Variants in SCTR observed in about 807,000 individuals in gnomAD.
SCTR encodes secretin receptor.
A neutral mutation model predicts 60.8 loss-of-function variants in SCTR; 56 were observed. The observed-to-expected ratio is 0.92, with a 90% CI of 0.74 to 1.15. The LOEUF (loss-of-function observed/expected upper bound fraction) is 1.15, where lower values mean the gene tolerates loss of function less well. Among genes scored for constraint, SCTR ranks in the 50% most tolerant of loss-of-function variants. The pLI, the probability that SCTR is intolerant of heterozygous loss-of-function variation, is 0.00. For synonymous variants in SCTR, 202 were observed against 217.0 expected, an observed-to-expected ratio of 0.93 and a Z score of 0.61; for missense variants, 562 against 550.4, an observed-to-expected ratio of 1.02 and a Z score of -0.21.
chr2:119,458,817 C>T (rs1683484164), intron 7 of SCTR, among the ~76,000 whole-genome samples: 1 of 152,172 alleles, frequency 6.6e-6, no homozygotes, highest in Non-Finnish European at 1.5e-5. Flanking sequence ...TCGGGCCACC[C>T]CAGACCCACT....
chr2:119,467,264 A>G (rs1304055780), intron 4 of SCTR, among the ~76,000 whole-genome samples: 1 of 152,006 alleles, frequency 6.6e-6, no homozygotes, highest in Admixed American at 6.6e-5. Flanking sequence ...CTGTAATCCC[A>G]GCTACTTGGA....
At chr2:119,524,086 CGAGGCCG>C in intron 1 of SCTR, 62 bp downstream of exon 1, 1 of 1,285,552 alleles carries the variant, frequency 7.8e-7, no homozygotes, top group Non-Finnish European at 1.1e-6. Flanking sequence ...GCATCCTGCC[CGAGGCCG>C]GAGAAAGGGC....
At chr2:119,493,568 A>C (rs1362434318) in intron 2 of SCTR, among the ~76,000 whole-genome samples, 1 of 152,164 alleles carries the variant, frequency 6.6e-6, no homozygotes, top group Non-Finnish European at 1.5e-5. Context: ...TTTACAAGGC[A>C]GCTGTATTTA....
rs758379839 is a variant in SCTR at position 119,494,492 on chromosome 2, G to T, written c.129C>A (p.Asp43Glu). ...CTCTGGAGAGTTCCTGCAGGCACTGGTCTTGCTCTTCCCACAGCACTTGTA... is the reference window on the plus strand; with the variant it reads ...CTCTGGAGAGTTCCTGCAGGCACTGTTCTTGCTCTTCCCACAGCACTTGTA... Reference protein sequence around the residue: ...DVLQVLWEEQDQCLQELSREQ... With the variant: ...DVLQVLWEEQEQCLQELSREQ... The change falls in exon 2 of 13, where the codon GAC becomes GAA. Residue 43 changes from aspartate to glutamate, a missense_variant. Transcript: ENST00000019103. 1.7e-5 allele frequency: 28 copies of T among 1,613,926 alleles called. No individual in the cohort carries two copies. The highest frequency in any genetic ancestry group is 1.3e-4 in the Admixed American group (8 of 60,004).
intron 1 of SCTR, among the ~76,000 whole-genome samples, chr2:119,517,611 C>T (rs182953873): frequency 1.6e-4 from 24 of 152,248 alleles, no homozygotes; most frequent in Admixed American, 1.2e-3. Context: ...AAGGTGGACG[C>T]GTCTTACAGG....
intron 1 of SCTR, among the ~76,000 whole-genome samples, chr2:119,496,941 G>A (rs1339842542): frequency 6.6e-6 from 1 of 152,152 alleles, no homozygotes; most frequent in Admixed American, 6.5e-5. Flanking sequence ...CACAGAGACT[G>A]CAAACTCTGG....
chr2:119,521,904 A>C (rs1173640668), intron 1 of SCTR, among the ~76,000 whole-genome samples: 1 of 152,158 alleles, frequency 6.6e-6, no homozygotes, highest in Non-Finnish European at 1.5e-5. Context: ...GAAGTGTGAG[A>C]TCTAAGGTCT....
intron 7 of SCTR, among the ~76,000 whole-genome samples, chr2:119,460,444 ATGG>A (rs1683558712): frequency 6.9e-6 from 1 of 144,378 alleles, no homozygotes; most frequent in Non-Finnish European, 1.5e-5. Flanking sequence ...GGGTGGATGG[ATGG>A]ATGGATGGAT....
intron 2 of SCTR, chr2:119,480,939 C>T (rs1025890594): frequency 6.6e-6 from 1 of 152,584 alleles, no homozygotes; most frequent in African/African-American, 2.4e-5. Flanking sequence ...AGGCCTCCCC[C>T]ACCTTGCCAG....
chr2:119,478,017 C>G (rs1677413020), intron 3 of SCTR, among the ~76,000 whole-genome samples: 1 of 152,246 alleles, frequency 6.6e-6, no homozygotes, highest in Non-Finnish European at 1.5e-5. Flanking sequence ...CCCACAGTCT[C>G]TGAACCGTGG....
Position 119,496,437 on chromosome 2 carries a change from A to G in SCTR, c.73-1889T>C, listed in dbSNP as rs200154956. Reference sequence around the variant, plus strand: ...GACAGATTCTGTCACAGCTTTATATATAATATAGAAAAAAAAGACAGACTT... The same window carrying G: ...GACAGATTCTGTCACAGCTTTATATGTAATATAGAAAAAAAAGACAGACTT... On this transcript the variant is annotated intron_variant, in intron 1 of 12. Transcript: ENST00000019103. Among the ~76,000 whole-genome samples, 257 of 152,334 alleles carry G rather than the reference A, an allele frequency of 1.7e-3. 1 individual carries two copies. The highest frequency in any genetic ancestry group is 2.9e-3 in the Non-Finnish European group (197 of 68,036).
At chr2:119,511,013 C>T (rs1220943589) in intron 1 of SCTR, among the ~76,000 whole-genome samples, 4 of 151,446 alleles carry the variant, frequency 2.6e-5, no homozygotes, top group South Asian at 4.2e-4. Flanking sequence ...CTGGCTACCG[C>T]GGTGAAACCC....
chr2:119,464,988 A>T (rs1683771701), intron 5 of SCTR, among the ~76,000 whole-genome samples: 1 of 152,178 alleles, frequency 6.6e-6, no homozygotes, highest in South Asian at 2.1e-4. Flanking sequence ...AGGGGACAGA[A>T]GTCAGTTACT....
At chr2:119,441,930 C>G (rs1166781912) in intron 11 of SCTR, among the ~76,000 whole-genome samples, 1 of 152,190 alleles carries the variant, frequency 6.6e-6, no homozygotes, top group Non-Finnish European at 1.5e-5. Context: ...ACCTGAAGTC[C>G]GCCCACTCTG....
At chr2:119,445,639 T>C (rs1021969833) in intron 11 of SCTR, among the ~76,000 whole-genome samples, 5 of 152,126 alleles carry the variant, frequency 3.3e-5, no homozygotes, top group Admixed American at 1.3e-4. Flanking sequence ...CGCCCTACCG[T>C]GGAAATGTCG....
intron 12 of SCTR, among the ~76,000 whole-genome samples, chr2:119,440,769 T>G (rs1212344870): frequency 2.6e-5 from 4 of 152,158 alleles, no homozygotes; most frequent in Non-Finnish European, 5.9e-5. Flanking sequence ...CCCCACTTAT[T>G]CCCAGGAAGC....
At chr2:119,524,045 C>A in intron 1 of SCTR, 110 bp downstream of exon 1, 1 of 804,780 alleles carries the variant, frequency 1.2e-6, no homozygotes. Context: ...CCCTATTCCT[C>A]ATGGGAAGAT....
At chr2:119,466,682 T>C (rs921885852) in intron 4 of SCTR, among the ~76,000 whole-genome samples, 10 of 151,920 alleles carry the variant, frequency 6.6e-5, no homozygotes, top group African/African-American at 2.4e-4. Context: ...GCCTGGGAGG[T>C]CAAGGCTGCA....
intron 1 of SCTR, among the ~76,000 whole-genome samples, chr2:119,513,041 T>A (rs984505044): frequency 6.6e-6 from 1 of 152,200 alleles, no homozygotes; most frequent in Non-Finnish European, 1.5e-5. Context: ...AAACAGCTTC[T>A]TGCCTGGTGG....
Sources: allele counts gnomAD v4.1 joint callset (sites outside exome capture counted in the v4.1 genomes callset), GRCh38; gene constraint gnomAD v4.1.1; transcripts MANE v1.5; gene names NCBI Gene and HGNC (gene_info 2026-07-23, HGNC 2026-07-21).